The following ZCCHC17 variants were observed in gnomAD, a reference collection of about 807,000 sequenced individuals.
The protein encoded by ZCCHC17 is zinc finger CCHC domain-containing protein 17.
In ZCCHC17, 18 loss-of-function variants were observed where a neutral mutation model predicts 30.6. The observed-to-expected ratio is 0.59, with a 90% CI of 0.41 to 0.87. The LOEUF (loss-of-function observed/expected upper bound fraction) is 0.87, where lower values mean the gene tolerates loss of function less well. Ranked by LOEUF, ZCCHC17 falls within the 40% of genes least tolerant of loss-of-function variation. The pLI is 0.00. For missense variants in ZCCHC17, 263 were observed against 284.2 expected (o/e 0.93, Z 0.54); for synonymous variants, 88 against 92.4 (o/e 0.95, Z 0.27).
chr1:31,346,637 T>C lies in ZCCHC17; in HGVS notation c.318-3T>C. On this transcript the variant is annotated splice_polypyrimidine_tract_variant and splice_region_variant and intron_variant, in intron 5 of 7. Transcript: ENST00000344147. Reference sequence around the variant, plus strand: ...CCGGCAGTCGGTATCTTTTTCATTATAGGCAAGAAGAGAGGCGGAGGCGAT... The same window carrying C: ...CCGGCAGTCGGTATCTTTTTCATTACAGGCAAGAAGAGAGGCGGAGGCGAT... The C allele has an allele frequency of 6.2e-7, 1 of 1,602,064 alleles. No individual in the cohort carries two copies.
chr1:31,322,127 G>T (rs904593906), intron 3 of ZCCHC17, among the ~76,000 whole-genome samples: 13 of 151,988 alleles, frequency 8.6e-5, no homozygotes, highest in Admixed American at 6.6e-4. Context: ...AGAGCCAGTC[G>T]ATTTTATCTG....
chr1:31,346,236 A>G (rs1639266932), intron 5 of ZCCHC17, among the ~76,000 whole-genome samples: 1 of 152,180 alleles, frequency 6.6e-6, no homozygotes, highest in South Asian at 2.1e-4. Context: ...TGGCCAGAGC[A>G]TATTGTGTGA....
At chr1:31,304,067 A>C (rs1008336349) in intron 1 of ZCCHC17, among the ~76,000 whole-genome samples, 3 of 152,148 alleles carry the variant, frequency 2.0e-5, no homozygotes, top group African/African-American at 7.2e-5. Context: ...TTTTGGAAAG[A>C]GAGTGGCTAG....
At chr1:31,359,043 A>T (rs150668081) in intron 7 of ZCCHC17, among the ~76,000 whole-genome samples, 1 of 152,320 alleles carries the variant, frequency 6.6e-6, no homozygotes, top group Non-Finnish European at 1.5e-5. Flanking sequence ...GTTCTAGGTA[A>T]GATGGTCTGT....
intron 3 of ZCCHC17, among the ~76,000 whole-genome samples, chr1:31,328,893 A>G (rs1350778372): frequency 6.6e-6 from 1 of 152,184 alleles, no homozygotes; most frequent in East Asian, 1.9e-4. Context: ...CTAAGCCAGC[A>G]TGGTGGTGAG....
chr1:31,320,897 A>G (rs1361455757), intron 3 of ZCCHC17, among the ~76,000 whole-genome samples: 2 of 152,070 alleles, frequency 1.3e-5, no homozygotes, highest in African/African-American at 4.8e-5. Context: ...TTACATTCCT[A>G]CCAGCAATGT....
rs955815242 is a variant in ZCCHC17, at chr1:31,364,311, A to G, written c.*118A>G. On this transcript the variant is annotated 3_prime_UTR_variant, in exon 8 of 8. Coordinates refer to ENST00000344147, the MANE Select transcript of ZCCHC17 (RefSeq NM_016505.4). ...CTCCCACCCCATTAACTTCGCTCCCATGGGAGATGGCTTCCCCTCATGCAA... is the reference window on the plus strand; with the variant it reads ...CTCCCACCCCATTAACTTCGCTCCCGTGGGAGATGGCTTCCCCTCATGCAA... The G allele has an allele frequency of 9.8e-6, 14 of 1,435,664 alleles. No homozygotes were observed. The highest frequency in any genetic ancestry group is 8.6e-5 in the African/African-American group (6 of 69,596). The allele number at this position is 1,435,664 out of a possible 1,614,324, so 88.9% of individuals were successfully genotyped here.
chr1:31,333,641 A>G (rs1638684896), intron 3 of ZCCHC17, among the ~76,000 whole-genome samples: 1 of 152,250 alleles, frequency 6.6e-6, no homozygotes, highest in South Asian at 2.1e-4. Flanking sequence ...GTAGCATAAA[A>G]TAAATACATT....
chr1:31,330,232 G>A (rs777758450), intron 3 of ZCCHC17, among the ~76,000 whole-genome samples: 4 of 152,202 alleles, frequency 2.6e-5, no homozygotes, highest in Non-Finnish European at 5.9e-5. Context: ...GTTTTAAGGG[G>A]ACTATAATGG....
At chr1:31,333,966 G>C (rs1047049992) in intron 3 of ZCCHC17, among the ~76,000 whole-genome samples, 4 of 152,146 alleles carry the variant, frequency 2.6e-5, no homozygotes, top group Non-Finnish European at 4.4e-5. Context: ...TCAAGATGAA[G>C]GGCTTCCCCT....
intron 7 of ZCCHC17, among the ~76,000 whole-genome samples, chr1:31,362,764 C>T (rs1639963131): frequency 6.6e-6 from 1 of 152,156 alleles, no homozygotes; most frequent in Admixed American, 6.6e-5. Context: ...ATGTGAGTCA[C>T]TGTTTCTAGA....
In ZCCHC17 at chr1:31,310,108, G is replaced by A. The variant is rs772679818; in HGVS notation, c.10G>A (p.Gly4Arg). 1.3e-5 allele frequency: 21 copies of A among 1,613,918 alleles called. No homozygotes were observed. The Admixed American group carries it at 3.2e-4, about 24-fold the overall frequency. The change falls in exon 2 of 8, where the codon GGA becomes AGA. Residue 4 changes from glycine (G) to arginine (R), a missense_variant. Gly to Arg is a moderately radical substitution (Grantham distance 125). Coordinates refer to ENST00000344147, the MANE Select transcript of ZCCHC17 (RefSeq NM_016505.4). Reference sequence around the variant, plus strand: ...CCATAGAATATTAAGGATGAATTCAGGAAGGCCTGAGACCATGGAAAACTT... The same window carrying A: ...CCATAGAATATTAAGGATGAATTCAAGAAGGCCTGAGACCATGGAAAACTT... Reference protein sequence around the residue: MNSGRPETMENLPA... With the variant: MNSRRPETMENLPA...
chr1:31,363,529 C>G (rs1484001628), intron 7 of ZCCHC17, among the ~76,000 whole-genome samples: 4 of 152,062 alleles, frequency 2.6e-5, no homozygotes, highest in Admixed American at 2.6e-4. Flanking sequence ...TGGTGTCTCA[C>G]ACCTGTAATC....
intron 2 of ZCCHC17, among the ~76,000 whole-genome samples, chr1:31,313,682 G>A (rs1489280035): frequency 3.9e-5 from 6 of 152,014 alleles, no homozygotes; most frequent in South Asian, 2.1e-4. Flanking sequence ...GTAAGGTACC[G>A]GAGCTCAGAA....
intron 1 of ZCCHC17, among the ~76,000 whole-genome samples, chr1:31,303,726 A>G (rs537336546): frequency 7.2e-5 from 11 of 152,336 alleles, no homozygotes; most frequent in Non-Finnish European, 1.0e-4. Flanking sequence ...TTTGAGTTAA[A>G]TTGCTGACCC....
At chr1:31,327,951 G>A (rs374001861) in intron 3 of ZCCHC17, among the ~76,000 whole-genome samples, 3 of 152,134 alleles carry the variant, frequency 2.0e-5, no homozygotes, top group East Asian at 3.8e-4. Context: ...AGTGTACACA[G>A]ATAACAAACT....
chr1:31,299,118 C>G (rs1204075905), intron 1 of ZCCHC17, among the ~76,000 whole-genome samples: 1 of 152,088 alleles, frequency 6.6e-6, no homozygotes, highest in Non-Finnish European at 1.5e-5. Context: ...AGGATTTGGA[C>G]AAGAAAATGT....
chr1:31,319,888 C>A (rs1430746870), intron 3 of ZCCHC17, among the ~76,000 whole-genome samples: 1 of 151,896 alleles, frequency 6.6e-6, no homozygotes, highest in Non-Finnish European at 1.5e-5. Flanking sequence ...AAAAGGCAAC[C>A]ATAAGAATAC....
intron 1 of ZCCHC17, among the ~76,000 whole-genome samples, chr1:31,301,311 G>A (rs1646305675): frequency 6.6e-6 from 1 of 152,094 alleles, no homozygotes; most frequent in African/African-American, 2.4e-5. Context: ...TCTACAAAGG[G>A]AGGAAAAAAA....
Sources: allele counts gnomAD v4.1 joint callset (sites outside exome capture counted in the v4.1 genomes callset), GRCh38; gene constraint gnomAD v4.1.1; transcripts MANE v1.5; gene names NCBI Gene and HGNC (gene_info 2026-07-23, HGNC 2026-07-21).